TRAK1: variants seen among roughly 807,000 people sequenced by gnomAD.
The protein encoded by TRAK1 is trafficking kinesin-binding protein 1.
Under a neutral mutation model 92.1 loss-of-function variants are expected in TRAK1, and 33 were observed. That is an observed-to-expected ratio of 0.36 (90% CI 0.27 to 0.48). The LOEUF is 0.48. Ranked by LOEUF, TRAK1 falls within the 20% of genes least tolerant of loss-of-function variation. The pLI is 0.99. For synonymous variants in TRAK1, 521 were observed against 517.3 expected (o/e 1.01, Z -0.10); for missense variants, 1,123 against 1,257.9 (o/e 0.89, Z 1.62).
In TRAK1 at chr3:42,149,353, C is replaced by CT. The variant is rs1699690553; in HGVS notation, c.286+23743dup. On this transcript the variant is annotated intron_variant, in intron 2 of 15. Coordinates refer to ENST00000327628, the MANE Select transcript of TRAK1 (RefSeq NM_001042646.3). ...TCCCTCCTTCCCCCATAGAATTTTT[C>CT]TTTTCATTGCCCACTTTACTGTTTT... The CT allele has an allele frequency of 2.8e-6, 4 of 1,433,866 alleles. No individual in the cohort carries two copies. The African/African-American group carries it at 5.7e-5, about 21-fold the overall frequency. 88.8% of individuals were successfully genotyped at this position (1,433,866 alleles called of 1,614,324 possible).
chr3:42,199,260 CCA>C lies in TRAK1; in HGVS notation c.1190+10_1190+11del, dbSNP rs751359518. On this transcript the variant is annotated splice_region_variant and intron_variant, in intron 11 of 15. Coordinates refer to ENST00000327628, the MANE Select transcript of TRAK1 (RefSeq NM_001042646.3). The stretch of plus-strand genomic sequence containing the variant: ...CCGAGTCTCCAGACATCACGTACGG[CCA>C]CAGTTTTTACAGTTTTGAGATTCCC... The C allele has an allele frequency of 4.3e-6, 7 of 1,613,942 alleles. No homozygotes were observed. Among genetic ancestry groups the C allele is most frequent in the Non-Finnish European group, 4.2e-6 (5 of 1,179,950 alleles).
At chr3:42,136,436 G>A (rs1056092931) in intron 2 of TRAK1, among the ~76,000 whole-genome samples, 2 of 151,984 alleles carry the variant, frequency 1.3e-5, no homozygotes, top group African/African-American at 4.8e-5. Context: ...ACCAAGCTGG[G>A]CAACATAGGG....
At chr3:42,067,958 G>A (rs1194986312) in intron 1 of TRAK1, among the ~76,000 whole-genome samples, 1 of 151,998 alleles carries the variant, frequency 6.6e-6, no homozygotes, top group African/African-American at 2.4e-5. Context: ...GATCATCTGA[G>A]GTCAGGAGTT....
Position 42,223,926 on chromosome 3 carries a change from C to T in TRAK1, c.*189C>T, listed in dbSNP as rs544253143. The T allele has an allele frequency of 1.5e-6, 1 of 688,692 alleles. No homozygotes were observed. The highest frequency in any genetic ancestry group is 2.5e-6 in the Non-Finnish European group (1 of 401,590). 42.7% of individuals were successfully genotyped at this position (688,692 alleles called of 1,614,324 possible). ...AACTTTGTAAAATGTGTACATAGGA[C>T]TTGGAGACCTTGTGTCCGCCCTGCT... is the stretch of plus-strand genomic sequence containing the variant. On this transcript the variant is annotated 3_prime_UTR_variant, in exon 16 of 16. Transcript: ENST00000327628. This position sits in a 1 kb window ranked among gnomAD's most constrained non-coding sequence, Gnocchi z 6.1.
At chr3:42,204,611 G>T (rs993418993) in intron 13 of TRAK1, among the ~76,000 whole-genome samples, 1 of 152,106 alleles carries the variant, frequency 6.6e-6, no homozygotes, top group East Asian at 1.9e-4. Flanking sequence ...TTGAAACAGG[G>T]TCTCGCTGTG....
intron 1 of TRAK1, among the ~76,000 whole-genome samples, chr3:42,052,604 G>C (rs1340563174): frequency 6.6e-6 from 1 of 152,096 alleles, no homozygotes; most frequent in Non-Finnish European, 1.5e-5. Flanking sequence ...AGTCTTGAAG[G>C]AAAAAAATAA....
chr3:42,054,831 A>G (rs1264734851), intron 1 of TRAK1, among the ~76,000 whole-genome samples: 1 of 151,300 alleles, frequency 6.6e-6, no homozygotes, highest in Non-Finnish European at 1.5e-5. Context: ...TTTTGTTAAT[A>G]ATACAGCTGT....
At chr3:42,059,494 A>G (rs1451291779) in intron 1 of TRAK1, among the ~76,000 whole-genome samples, 3 of 152,196 alleles carry the variant, frequency 2.0e-5, no homozygotes, top group Non-Finnish European at 4.4e-5. Flanking sequence ...ACAGTGGCTA[A>G]AAGAGAACTG....
At chr3:42,013,677 C>A, upstream of TRAK1, 1 of 146,940 alleles carries the variant, frequency 6.8e-6, no homozygotes, top group South Asian at 1.9e-4. This position sits in a 1 kb window ranked among gnomAD's most constrained non-coding sequence, Gnocchi z 5.1. Flanking sequence ...GGCCGCGCGG[C>A]GGCGCCCGCA....
chr3:42,057,686 G>T (rs575430740), intron 1 of TRAK1, among the ~76,000 whole-genome samples: 2 of 152,168 alleles, frequency 1.3e-5, no homozygotes, highest in East Asian at 3.9e-4. Flanking sequence ...TGGAAGGCGA[G>T]CACTGACCTG....
intron 1 of TRAK1, among the ~76,000 whole-genome samples, chr3:42,034,596 T>C (rs1702260151): frequency 6.6e-6 from 1 of 152,194 alleles, no homozygotes; most frequent in Admixed American, 6.5e-5. Flanking sequence ...TGGCTCCTGT[T>C]GTATTTCGTT....
intron 1 of TRAK1, among the ~76,000 whole-genome samples, chr3:42,049,279 TAAG>T (rs1020882848): frequency 3.3e-5 from 5 of 152,326 alleles, no homozygotes; most frequent in African/African-American, 9.6e-5. Context: ...CACCTGTTGT[TAAG>T]AAGTCTTTTG....
At chr3:42,199,390 A>T in intron 11 of TRAK1, 137 bp downstream of exon 11, 1 of 762,340 alleles carries the variant, frequency 1.3e-6, no homozygotes, top group Non-Finnish European at 2.2e-6. Context: ...GATTAAGGGA[A>T]ATAATAGAAC....
intron 1 of TRAK1, among the ~76,000 whole-genome samples, chr3:42,096,559 C>T (rs1231515886): frequency 6.6e-6 from 1 of 152,152 alleles, no homozygotes; most frequent in East Asian, 1.9e-4. Context: ...TGGCCAAACA[C>T]ATAATTTTAA....
Position 42,202,503 on chromosome 3 carries a change from C to T in TRAK1, c.1495C>T (p.Leu499=). 6.6e-7 allele frequency: 1 copy of T among 1,520,170 alleles called. No individual in the cohort carries two copies. The highest frequency in any genetic ancestry group is 2.3e-5 in the East Asian group (1 of 43,344). The allele number at this position is 1,520,170 out of a possible 1,614,324, so 94.2% of individuals were successfully genotyped here. The change falls in exon 13 of 16, where the codon CTG becomes TTG. Residue 499 remains leucine, a synonymous_variant. Transcript: ENST00000327628. The surrounding 1 kb of genome is among the most constrained non-coding windows in gnomAD (Gnocchi z 6.1). ...AGGCTCCCACGACCTGGAGACGGCG[C>T]TGAGGCGGCTGTCCCTGCGCCGGGA... ...TPGSHDLETA[L]RRLSLRRENY...
intron 1 of TRAK1, among the ~76,000 whole-genome samples, chr3:42,113,395 TACCTCTA>T (rs1708744150): frequency 3.8e-5 from 1 of 26,410 alleles, no homozygotes; most frequent in African/African-American, 1.8e-4. Flanking sequence ...CCCCTACCCC[TACCTCTA>T]CCCCTACCCC....
In TRAK1 at chr3:42,169,203, A is replaced by G. The variant is rs138344109; in HGVS notation, c.287-7611A>G. Among the ~76,000 whole-genome samples the G allele has an allele frequency of 6.0e-5, 9 of 151,012 alleles. No homozygotes were observed. In the East Asian group the frequency reaches 1.7e-3, roughly 29 times the overall value. ...TAATTTTCCTTTTCTTATACATTAT[A>G]TGAATGGAATCATACAATATGTGGT... On this transcript the variant is annotated intron_variant, in intron 2 of 15. Coordinates refer to ENST00000327628, the MANE Select transcript of TRAK1 (RefSeq NM_001042646.3).
intron 9 of TRAK1, among the ~76,000 whole-genome samples, chr3:42,194,178 A>C (rs548753622): frequency 1.3e-5 from 2 of 152,308 alleles, no homozygotes; most frequent in South Asian, 4.1e-4. Flanking sequence ...TACAACACAG[A>C]GCACTCTGGG....
intron 3 of TRAK1, among the ~76,000 whole-genome samples, chr3:42,182,342 ACACT>A (rs1176203662): frequency 1.3e-5 from 2 of 150,440 alleles, no homozygotes; most frequent in Non-Finnish European, 3.0e-5. Flanking sequence ...TCTCTCTCAG[ACACT>A]CAGGCTGTAG....
Sources: gnomAD v4.1 joint callset for allele counts (sites outside exome capture counted in the v4.1 genomes callset) on GRCh38, gnomAD v4.1.1 for gene constraint, Gnocchi (gnomAD v3.1) non-coding constraint, MANE v1.5 for transcripts, NCBI Gene and HGNC (gene_info 2026-07-23, HGNC 2026-07-21) for gene names.